The following FBXW10B variants were observed in gnomAD, a reference collection of about 807,000 sequenced individuals.
The protein encoded by FBXW10B is F-box and WD repeat domain containing protein 10B.
the FBXW10B span, among the ~76,000 whole-genome samples, chr17:15,581,442 T>C: frequency 6.6e-6 from 1 of 152,180 alleles, no homozygotes; most frequent in Non-Finnish European, 1.5e-5. Flanking sequence ...CTTTTAATGA[T>C]CAAAACACTT....
At chr17:15,598,589 A>T in the FBXW10B span, 46 of 1,613,594 alleles carry the variant, frequency 2.9e-5, no homozygotes, top group South Asian at 4.4e-4. Flanking sequence ...AAGTCCATGC[A>T]AGTGATAGTC....
chr17:15,596,629 G>C, the FBXW10B span: 74 of 1,613,376 alleles, frequency 4.6e-5, 2 homozygotes, highest in Non-Finnish European at 2.1e-5. Context: ...GTGTCTAAAC[G>C]TCTTCAGGCA....
chr17:15,619,161 T>C, the FBXW10B span: 1 of 1,614,014 alleles, frequency 6.2e-7, no homozygotes, highest in South Asian at 1.1e-5. Context: ...ATCTCTTTCA[T>C]CTTCTGTTCT....
the FBXW10B span, chr17:15,594,985 CA>C: frequency 1.6e-5 from 25 of 1,546,556 alleles, no homozygotes; most frequent in Middle Eastern, 2.0e-4. Context: ...AGCCACCCCC[CA>C]ACCAATCTGT....
the FBXW10B span, among the ~76,000 whole-genome samples, chr17:15,613,107 GGGA>G: frequency 3.5e-5 from 4 of 114,384 alleles, no homozygotes; most frequent in Non-Finnish European, 3.2e-5. Context: ...CTCTCTGCTG[GGGA>G]AAAAAAAAAA....
At chr17:15,618,792 T>C in the FBXW10B span, among the ~76,000 whole-genome samples, 35 of 152,304 alleles carry the variant, frequency 2.3e-4, no homozygotes, top group African/African-American at 7.2e-4. Context: ...TCCTCCTGCA[T>C]TGATCATTTT....
chr17:15,590,282 T>C, the FBXW10B span, among the ~76,000 whole-genome samples: 1 of 151,582 alleles, frequency 6.6e-6, no homozygotes, highest in East Asian at 1.9e-4. Flanking sequence ...CTGTATGCTG[T>C]TGTTATCATT....
chr17:15,588,928 C>T, the FBXW10B span: 8 of 1,613,824 alleles, frequency 5.0e-6, no homozygotes, highest in Non-Finnish European at 5.9e-6. Flanking sequence ...GGTGAATCCA[C>T]TCACAGGAGC....
the FBXW10B span, chr17:15,607,487 A>G: frequency 8.5e-7 from 1 of 1,179,774 alleles, no homozygotes; most frequent in Non-Finnish European, 1.2e-6. Context: ...TTGCCTTTCC[A>G]TGTACACAAA....
At chr17:15,578,820 G>A in the FBXW10B span, among the ~76,000 whole-genome samples, 6 of 152,074 alleles carry the variant, frequency 3.9e-5, no homozygotes, top group African/African-American at 9.7e-5. Context: ...GGGTCACCAC[G>A]TACTCCCCTC....
the FBXW10B span, among the ~76,000 whole-genome samples, chr17:15,595,606 C>T: frequency 6.6e-6 from 1 of 152,034 alleles, no homozygotes; most frequent in Non-Finnish European, 1.5e-5. Context: ...CATGGGCCAT[C>T]CCTGTGCCTG....
At chr17:15,604,347 C>A in the FBXW10B span, among the ~76,000 whole-genome samples, 7 of 151,824 alleles carry the variant, frequency 4.6e-5, no homozygotes, top group Non-Finnish European at 8.8e-5. Flanking sequence ...AAGAAGGAAG[C>A]AAAAATGATA....
chr17:15,576,744 G>A, the FBXW10B span, among the ~76,000 whole-genome samples: 5 of 151,532 alleles, frequency 3.3e-5, no homozygotes, highest in East Asian at 1.9e-4. Context: ...GAGATTGCAC[G>A]ATAAGAGCAG....
At chr17:15,594,345 G>C in the FBXW10B span, among the ~76,000 whole-genome samples, 1 of 151,544 alleles carries the variant, frequency 6.6e-6, no homozygotes, top group Non-Finnish European at 1.5e-5. Flanking sequence ...GGTGGTGGGC[G>C]CCTGTAGTCC....
chr17:15,601,879 G>A, the FBXW10B span, among the ~76,000 whole-genome samples: 10 of 152,132 alleles, frequency 6.6e-5, no homozygotes, highest in African/African-American at 1.9e-4. Context: ...TTGGGAGGCC[G>A]AGGCGGGCAA....
chr17:15,571,465 C>A, the FBXW10B span: 1 of 152,002 alleles, frequency 6.6e-6, no homozygotes, highest in East Asian at 1.9e-4. Context: ...ATTAAAAACA[C>A]AATGAGATAC....
chr17:15,611,452 G>T, the FBXW10B span, among the ~76,000 whole-genome samples: 2 of 152,168 alleles, frequency 1.3e-5, no homozygotes, highest in East Asian at 3.8e-4. Flanking sequence ...TGGTCTAGCG[G>T]TCAGGGGCCT....
At chr17:15,612,432 T>C in the FBXW10B span, among the ~76,000 whole-genome samples, 25 of 151,894 alleles carry the variant, frequency 1.6e-4, no homozygotes, top group South Asian at 4.2e-4. Flanking sequence ...GAGAATGGCG[T>C]GAACCCGGGA....
chr17:15,594,500 T>C, the FBXW10B span: 1 of 508,502 alleles, frequency 2.0e-6, no homozygotes, highest in South Asian at 3.3e-5. Context: ...CAATATCTTC[T>C]CAAAACCCCC....
Sources: gnomAD v4.1 joint callset for allele counts (sites outside exome capture counted in the v4.1 genomes callset) on GRCh38, gnomAD v4.1.1 for gene constraint, MANE v1.5 for transcripts, NCBI Gene and HGNC (gene_info 2026-07-23, HGNC 2026-07-21) for gene names.